The following DTWD2 variants were observed in gnomAD, a reference collection of about 807,000 sequenced individuals.
DTWD2 encodes the protein tRNA-uridine aminocarboxypropyltransferase 2.
In DTWD2, 39 loss-of-function variants were observed where a neutral mutation model predicts 31.8. The observed-to-expected ratio is 1.22, with a 90% CI of 0.95 to 1.60. The LOEUF is 1.60. Among genes scored for constraint, DTWD2 ranks in the 40% most tolerant of loss-of-function variants. The pLI, the probability that DTWD2 is intolerant of heterozygous loss-of-function variation, is 0.00. For synonymous variants in DTWD2, 180 were observed against 142.8 expected (o/e 1.26, Z -1.86); for missense variants, 515 against 381.5 (o/e 1.35, Z -2.92).
At chr5:118,848,314 C>A (rs944896887) in intron 4 of DTWD2, 96 bp from the exon 5 acceptor site, 8 of 1,161,842 alleles carry the variant, frequency 6.9e-6, no homozygotes, top group Non-Finnish European at 8.2e-6. Flanking sequence ...TCCAAAACTG[C>A]CAGCAGCTTA....
intron 4 of DTWD2, among the ~76,000 whole-genome samples, chr5:118,922,206 A>C (rs1753719279): frequency 6.6e-6 from 1 of 152,230 alleles, no homozygotes; most frequent in South Asian, 2.1e-4. Context: ...AATTAAAAGG[A>C]GGCCAAGTTA....
chr5:118,846,920 GCACACACACACACACACA>G (rs144531960), intron 5 of DTWD2, among the ~76,000 whole-genome samples: 18 of 134,984 alleles, frequency 1.3e-4, no homozygotes, highest in South Asian at 2.6e-4. Flanking sequence ...AAACACACAG[GCACACACACACACACACA>G]CACACACACA....
At chr5:118,863,862 G>C (rs1243734482) in intron 4 of DTWD2, among the ~76,000 whole-genome samples, 1 of 151,908 alleles carries the variant, frequency 6.6e-6, no homozygotes, top group Non-Finnish European at 1.5e-5. Context: ...CAAAAACAGA[G>C]TACACAACAC....
chr5:118,930,416 TAA>T (rs1208189764), intron 3 of DTWD2, among the ~76,000 whole-genome samples: 2 of 151,732 alleles, frequency 1.3e-5, no homozygotes, highest in African/African-American at 4.8e-5. Context: ...AGCTCAGAAA[TAA>T]AGAGTTTGAA....
At chr5:118,931,342 T>G in intron 3 of DTWD2, among the ~76,000 whole-genome samples, 1 of 144,374 alleles carries the variant, frequency 6.9e-6, no homozygotes, top group Non-Finnish European at 1.5e-5. Context: ...CTACAGTGAG[T>G]GAACCATGAT....
At chr5:118,973,843 C>T (rs1755058955) in intron 1 of DTWD2, 1 of 1,612,390 alleles carries the variant, frequency 6.2e-7, no homozygotes, top group Non-Finnish European at 8.5e-7. Context: ...CCACCAAGGA[C>T]TTACAGGAGA....
At chr5:118,974,138 G>A in intron 1 of DTWD2, 2 of 1,559,640 alleles carry the variant, frequency 1.3e-6, no homozygotes, top group Non-Finnish European at 1.7e-6. Context: ...AGCAAAAAAG[G>A]AAAAGTTAAA....
intron 1 of DTWD2, among the ~76,000 whole-genome samples, chr5:118,949,801 T>A (rs1208493454): frequency 6.6e-6 from 1 of 151,942 alleles, no homozygotes; most frequent in African/African-American, 2.4e-5. Flanking sequence ...AGGGCGGCAA[T>A]GAGTTGTGGC....
chr5:118,916,984 A>G (rs1184616401), intron 4 of DTWD2, among the ~76,000 whole-genome samples: 1 of 152,182 alleles, frequency 6.6e-6, no homozygotes, highest in East Asian at 1.9e-4. Context: ...ACCTCATGAA[A>G]ATCTATGGAA....
intron 4 of DTWD2, among the ~76,000 whole-genome samples, chr5:118,892,956 A>C (rs1753005502): frequency 6.6e-6 from 1 of 152,178 alleles, no homozygotes; most frequent in Non-Finnish European, 1.5e-5. Flanking sequence ...CAGAGGCTAT[A>C]AAAAGAATAA....
intron 4 of DTWD2, among the ~76,000 whole-genome samples, chr5:118,878,149 A>G (rs1046325082): frequency 1.3e-5 from 2 of 152,220 alleles, no homozygotes; most frequent in Non-Finnish European, 2.9e-5. Context: ...TCACAGAACT[A>G]GAAAAAAACT....
chr5:118,874,376 G>C (rs928243287), intron 4 of DTWD2, among the ~76,000 whole-genome samples: 1 of 152,148 alleles, frequency 6.6e-6, no homozygotes, highest in African/African-American at 2.4e-5. Flanking sequence ...TGAAATGAGA[G>C]AAATATAATT....
In DTWD2 at chr5:118,928,597, A is replaced by C; in HGVS notation, c.537T>G (p.Gly179=). The part of the protein sequence containing the change: ...VYPSTIIIID[G]TWSQAKDIFY... ...AAATGTCCTTAGCCTGGCTCCATGT[A>C]CCATCAATGATGATGATTGTAGAAG... The change falls in exon 4 of 6, where the codon GGT becomes GGG. Residue 179 remains glycine, a synonymous_variant. Transcript: ENST00000510708. 6.3e-7 allele frequency: 1 copy of C among 1,591,868 alleles called. No homozygotes were observed. Among genetic ancestry groups the C allele is most frequent in the Non-Finnish European group, 8.6e-7 (1 of 1,168,920 alleles).
At chr5:118,983,438 G>C (rs1209238655) in intron 1 of DTWD2, among the ~76,000 whole-genome samples, 1 of 152,118 alleles carries the variant, frequency 6.6e-6, no homozygotes, top group African/African-American at 2.4e-5. Context: ...AACATCTGTA[G>C]AGTGCCAGTT....
chr5:118,968,415 A>G (rs1319055413), intron 1 of DTWD2, among the ~76,000 whole-genome samples: 2 of 152,152 alleles, frequency 1.3e-5, no homozygotes, highest in African/African-American at 4.8e-5. Context: ...ACGGCAAATG[A>G]AATTCTGAAC....
chr5:118,927,858 T>C (rs1753842833), intron 4 of DTWD2, among the ~76,000 whole-genome samples: 1 of 152,088 alleles, frequency 6.6e-6, no homozygotes, highest in Non-Finnish European at 1.5e-5. Context: ...TAGAAAAATA[T>C]TAAAATCTCT....
At chr5:118,900,471 T>C (rs948451879) in intron 4 of DTWD2, among the ~76,000 whole-genome samples, 1 of 152,120 alleles carries the variant, frequency 6.6e-6, no homozygotes, top group African/African-American at 2.4e-5. Flanking sequence ...AAGTATAAAG[T>C]TGTGGCAGTG....
intron 4 of DTWD2, among the ~76,000 whole-genome samples, chr5:118,909,053 T>C (rs1753399923): frequency 6.6e-6 from 1 of 151,948 alleles, no homozygotes; most frequent in African/African-American, 2.4e-5. Flanking sequence ...CTGACCCGAG[T>C]TCCCTTCACA....
At chr5:118,858,405 A>G (rs865925916) in intron 4 of DTWD2, among the ~76,000 whole-genome samples, 1 of 152,322 alleles carries the variant, frequency 6.6e-6, no homozygotes, top group Non-Finnish European at 1.5e-5. Flanking sequence ...TAACACAAGA[A>G]CTGTTTGAGC....
Sources: gnomAD v4.1 joint callset for allele counts (sites outside exome capture counted in the v4.1 genomes callset) on GRCh38, gnomAD v4.1.1 for gene constraint, MANE v1.5 for transcripts, NCBI Gene and HGNC (gene_info 2026-07-23, HGNC 2026-07-21) for gene names.